HNRNPAB: variants seen among roughly 807,000 people sequenced by gnomAD.
HNRNPAB encodes the protein ABBP-1.
HNRNPAB carries 17 observed loss-of-function variants against 44.1 expected under a neutral mutation model. That is an observed-to-expected ratio of 0.39 (90% CI 0.26 to 0.58). HNRNPAB has a LOEUF of 0.58. Ranked by LOEUF, HNRNPAB falls within the 20% of genes least tolerant of loss-of-function variation. HNRNPAB has a pLI of 0.63. For synonymous variants in HNRNPAB, 183 were observed against 167.6 expected (o/e 1.09, Z -0.71); for missense variants, 393 against 432.7 (o/e 0.91, Z 0.81).
chr5:178,206,102 C>A, intron 3 of HNRNPAB, 92 bp downstream of exon 3: 3 of 1,303,066 alleles, frequency 2.3e-6, no homozygotes, highest in South Asian at 1.3e-5. Flanking sequence ...TTTGTGTGGT[C>A]TGCATGTGAT....
rs180935005 is a variant in HNRNPAB, at chr5:178,204,659, G to A, written c.-105G>A. ...CTGACTGGGGCGAGGCCTCAGCAGC[G>A]CGAGCTTGAGTGCGGCCGAGCCTGC... On this transcript the variant is annotated 5_prime_UTR_variant, in exon 1 of 8. Coordinates refer to ENST00000358344, the MANE Select transcript of HNRNPAB (RefSeq NM_031266.3). 1,002 of 307,986 alleles carry A rather than the reference G, an allele frequency of 3.3e-3. 9 individuals carry two copies. Among genetic ancestry groups the A allele is most frequent in the Middle Eastern group, 0.012 (13 of 1,088 alleles). The allele number at this position is 307,986 out of a possible 1,614,324, so 19.1% of individuals were successfully genotyped here.
intron 2 of HNRNPAB, chr5:178,205,483 C>T (rs150866123): frequency 1.3e-3 from 215 of 166,632 alleles, no homozygotes; most frequent in African/African-American, 4.9e-3. Flanking sequence ...GCTTGGTCCC[C>T]GGAAACATCG....
rs1267460878 is a variant in HNRNPAB at position 178,210,935 on chromosome 5, T to C, written c.*312T>C. The C allele has an allele frequency of 2.6e-6, 1 of 385,970 alleles. No individual in the cohort carries two copies. Among genetic ancestry groups the C allele is most frequent in the Admixed American group, 4.2e-5 (1 of 23,576 alleles). 23.9% of individuals were successfully genotyped at this position (385,970 alleles called of 1,614,324 possible). On this transcript the variant is annotated 3_prime_UTR_variant, in exon 8 of 8. Transcript: ENST00000358344. Reference sequence around the variant, plus strand: ...AGCCTGGACCTGTGGACCCTGGTTGTAAAGAGTAAATTGTATCTTAGGAAA... The same window carrying C: ...AGCCTGGACCTGTGGACCCTGGTTGCAAAGAGTAAATTGTATCTTAGGAAA...
Position 178,204,742 on chromosome 5 carries a change from T to C in HNRNPAB, c.-24+2T>C. 1.3e-6 allele frequency: 1 copy of C among 742,914 alleles called. No homozygotes were observed. The allele number at this position is 742,914 out of a possible 1,614,324, so 46.0% of individuals were successfully genotyped here. On this transcript the variant is annotated splice_donor_variant, in intron 1 of 7. Transcript: ENST00000358344. LOFTEE classifies it low-confidence loss of function (5UTR_SPLICE). ...CCCCGCGGCGTCATCGGCGGCGAGG[T>C]GAGCGGCGGCCGGCGGGCGGGAGCT...
Position 178,207,201 on chromosome 5 carries a change from G to A in HNRNPAB, c.645G>A (p.Lys215=), listed in dbSNP as rs765475057. The change falls in exon 5 of 8, where the codon AAG becomes AAA. Residue 215 remains lysine, a synonymous_variant. Transcript: ENST00000358344. The stretch of plus-strand genomic sequence containing the variant: ...CCGTGAAGAAGGTTCTGGAGAAAAA[G>A]TTCCATACTGTCAGTGGAAGCAAGG... ...EEPVKKVLEK[K]FHTVSGSKCE... 6.2e-7 allele frequency: 1 copy of A among 1,614,206 alleles called. No individual in the cohort carries two copies. The highest frequency in any genetic ancestry group is 1.1e-5 in the South Asian group (1 of 91,092).
At chr5:178,206,544 C>G (rs1176916905) in intron 3 of HNRNPAB, among the ~76,000 whole-genome samples, 188 bp from the exon 4 acceptor site, 1 of 152,156 alleles carries the variant, frequency 6.6e-6, no homozygotes, top group Admixed American at 6.5e-5. Context: ...GGACTGTTTT[C>G]TAGGTGTCGA....
chr5:178,205,382 G>C (rs1372243790), intron 2 of HNRNPAB, among the ~76,000 whole-genome samples: 1 of 152,086 alleles, frequency 6.6e-6, no homozygotes, highest in African/African-American at 2.4e-5. Flanking sequence ...CCGCGCCGGC[G>C]GCTGCGTGGG....
Position 178,209,330 on chromosome 5 carries a change from T to C in HNRNPAB, c.670T>C (p.Cys224Arg). Residue 224 changes from cysteine to arginine, a missense_variant and splice_region_variant, in exon 6 of 8, where the codon TGT (cysteine) becomes CGT (arginine). Around this residue, in one of 3 missense-constraint regions of HNRNPAB, gnomAD observed 210 missense variants for 196.9 expected, o/e 1.07. Coordinates refer to ENST00000358344, the MANE Select transcript of HNRNPAB (RefSeq NM_031266.3). Reference protein sequence around the residue: ...KKFHTVSGSKCEIKVAQPKEV... With the variant: ...KKFHTVSGSKREIKVAQPKEV... ...TGACCACTGTCCTCTTGACTTTTAGTGTGAGATCAAGGTGGCCCAGCCCAA... is the reference window on the plus strand; with the variant it reads ...TGACCACTGTCCTCTTGACTTTTAGCGTGAGATCAAGGTGGCCCAGCCCAA... 1.9e-6 allele frequency: 3 copies of C among 1,613,900 alleles called. No homozygotes were observed. Among genetic ancestry groups the C allele is most frequent in the Non-Finnish European group, 2.5e-6 (3 of 1,179,758 alleles).
intron 5 of HNRNPAB, chr5:178,208,626 T>C (rs1424381112): frequency 6.6e-6 from 1 of 152,262 alleles, no homozygotes; most frequent in African/African-American, 2.4e-5. Flanking sequence ...CATGTCAGGA[T>C]TTTCTTTAGA....
At chr5:178,210,378 G>T in intron 7 of HNRNPAB, 106 bp downstream of exon 7, 2 of 1,586,288 alleles carry the variant, frequency 1.3e-6, no homozygotes, top group Admixed American at 1.8e-5. Context: ...AGACAGGCCT[G>T]GCTCAGCCAT....
chr5:178,210,194 C>G lies in HNRNPAB; in HGVS notation c.850C>G (p.Gln284Glu). The change falls in exon 7 of 8, where the codon CAG (glutamine) becomes GAG (glutamate). Residue 284 changes from glutamine (Q) to glutamate (E), a missense_variant. Transcript: ENST00000358344. The stretch of plus-strand genomic sequence containing the variant: ...CTGGAACCAGGGCTACGGCTACCAG[C>G]AGGGCTACGGGCCTGGCTATGGCGG... ...NYWNQGYGYQ[Q>E]GYGPGYGGYD... The G allele has an allele frequency of 1.9e-6, 3 of 1,612,784 alleles. No individual in the cohort carries two copies.
chr5:178,205,417 G>T (rs1214458103), intron 2 of HNRNPAB, among the ~76,000 whole-genome samples: 1 of 152,140 alleles, frequency 6.6e-6, no homozygotes, highest in East Asian at 1.9e-4. Context: ...GCCGGGGCCC[G>T]GACCTCCCTC....
chr5:178,209,478 GT>G, intron 6 of HNRNPAB, 31 bp downstream of exon 6: 1 of 1,578,846 alleles, frequency 6.3e-7, no homozygotes, highest in South Asian at 1.1e-5. Flanking sequence ...GATAGGTCCT[GT>G]TTCCCTGCCT....
rs1171082874 is a variant in HNRNPAB at position 178,209,399 on chromosome 5, A to G, written c.739A>G (p.Asn247Asp). ...QQQYGSGGRG[N>D]RNRGNRGSGG... ...GCAGTATGGCTCTGGGGGCCGTGGA[A>G]ACCGCAACCGAGGGAACCGAGGCAG... Residue 247 changes from asparagine to aspartate, a missense_variant, in exon 6 of 8, where the codon AAC becomes GAC. Asn to Asp is a conservative substitution (Grantham distance 23). Around this residue, in one of 3 missense-constraint regions of HNRNPAB, gnomAD observed 210 missense variants for 196.9 expected, o/e 1.07. Transcript: ENST00000358344. The G allele has an allele frequency of 1.2e-6, 2 of 1,614,130 alleles. No individual in the cohort carries two copies. The highest frequency in any genetic ancestry group is 3.3e-5 in the Admixed American group (2 of 60,024).
At chr5:178,206,084 A>C in intron 3 of HNRNPAB, 74 bp downstream of exon 3, 2 of 1,412,710 alleles carry the variant, frequency 1.4e-6, no homozygotes, top group African/African-American at 2.9e-5. Context: ...TTCTTAAAGC[A>C]TGACTAGTTT....
At position 178,204,627 on chromosome 5, in the gene HNRNPAB, C is replaced by T. The variant is rs576380451; in HGVS notation, c.-137C>T. On this transcript the variant is annotated 5_prime_UTR_variant, in exon 1 of 8. Coordinates refer to ENST00000358344, the MANE Select transcript of HNRNPAB (RefSeq NM_031266.3). Reference sequence around the variant, plus strand: ...AGGAGGAGACACAGTTGGAGCAGCTCCGTGGGCTGACTGGGGCGAGGCCTC... The same window carrying T: ...AGGAGGAGACACAGTTGGAGCAGCTTCGTGGGCTGACTGGGGCGAGGCCTC... 3.8e-5 allele frequency: 11 copies of T among 285,786 alleles called. No individual in the cohort carries two copies. The South Asian group carries it at 1.7e-3, about 43-fold the overall frequency. 17.7% of individuals were successfully genotyped at this position (285,786 alleles called of 1,614,324 possible).
intron 4 of HNRNPAB, 36 bp downstream of exon 4, chr5:178,206,926 C>T (rs985248401): frequency 1.2e-6 from 2 of 1,609,170 alleles, no homozygotes; most frequent in South Asian, 1.1e-5. Context: ...ATCAGCTGCC[C>T]CTAAGGCTGC....
At chr5:178,204,770 G>A in intron 1 of HNRNPAB, 30 bp downstream of exon 1, 1 of 1,060,952 alleles carries the variant, frequency 9.4e-7, no homozygotes, top group Non-Finnish European at 1.2e-6. Flanking sequence ...CGGGAGCTCT[G>A]GCGGGAGCCG....
At position 178,204,577 on chromosome 5, in the gene HNRNPAB, G is replaced by A; in HGVS notation, c.-187G>A. The A allele has an allele frequency of 4.2e-6, 1 of 239,068 alleles. No individual in the cohort carries two copies. Among genetic ancestry groups the A allele is most frequent in the Non-Finnish European group, 8.0e-6 (1 of 125,172 alleles). 14.8% of individuals were successfully genotyped at this position (239,068 alleles called of 1,614,324 possible). On this transcript the variant is annotated 5_prime_UTR_variant, in exon 1 of 8. Transcript: ENST00000358344. Reference sequence around the variant, plus strand: ...GACGGAGCTTGGCTGTTGGTCGGTGGGTTCCCGTGCGGCGGCGGCCAAGGA... The same window carrying A: ...GACGGAGCTTGGCTGTTGGTCGGTGAGTTCCCGTGCGGCGGCGGCCAAGGA...
Sources: allele counts gnomAD v4.1 joint callset (sites outside exome capture counted in the v4.1 genomes callset), GRCh38; gene constraint gnomAD v4.1.1; regional missense constraint gnomAD v4.1.1; transcripts MANE v1.5; gene names NCBI Gene and HGNC (gene_info 2026-07-23, HGNC 2026-07-21).